AP1S3: variants seen among roughly 807,000 people sequenced by gnomAD.
AP1S3 encodes AP-1 complex subunit sigma-3.
Under a neutral mutation model 20.9 loss-of-function variants are expected in AP1S3, and 10 were observed. The observed-to-expected ratio is 0.48, with a 90% CI of 0.29 to 0.81. The LOEUF is 0.81. Among genes scored for constraint, AP1S3 ranks in the 30% least tolerant of loss-of-function variants. The pLI is 0.08. For missense variants in AP1S3, 154 were observed against 183.8 expected, an observed-to-expected ratio of 0.84 and a Z score of 0.94; for synonymous variants, 41 against 61.5, an observed-to-expected ratio of 0.67 and a Z score of 1.56.
chr2:223,757,022 GCT>G lies in AP1S3; in HGVS notation c.*1691_*1692del, dbSNP rs1690239229. 1.0e-6 allele frequency: 1 copy of G among 966,810 alleles called. No individual in the cohort carries two copies. Among genetic ancestry groups the G allele is most frequent in the East Asian group, 1.2e-4 (1 of 8,374 alleles). The allele number at this position is 966,810 out of a possible 1,614,324, so 59.9% of individuals were successfully genotyped here. A position where few individuals can be genotyped will look rare whatever the true frequency, so the allele number is the denominator to read the frequency against. On this transcript the variant is annotated 3_prime_UTR_variant, in exon 5 of 5. Coordinates refer to ENST00000396654, the MANE Select transcript of AP1S3 (RefSeq NM_001039569.2). ...TTTTTTTTTCTTGAGACGCAGTCTT[GCT>G]CTGTCACCCGCCTGGAGTGCACTGG...
rs536520102 is a variant in AP1S3, at chr2:223,786,960, C to T, written c.4-9091G>A. 1.4e-4 allele frequency among the ~76,000 whole-genome samples: 22 copies of T among 152,214 alleles called. No homozygotes were observed. The South Asian group carries it at 4.4e-3, about 30-fold the overall frequency. On this transcript the variant is annotated intron_variant, in intron 1 of 4. Transcript: ENST00000396654. ...TTTGGATCTGTGTCCCCACTAAACT[C>T]GTGTCAAATTGTAATCCCCAGTGTT...
chr2:223,767,062 G>T (rs1310121121), intron 3 of AP1S3, among the ~76,000 whole-genome samples: 6 of 151,780 alleles, frequency 4.0e-5, no homozygotes, highest in African/African-American at 1.5e-4. Flanking sequence ...TGGGGGGTGG[G>T]GGGCAAAATA....
chr2:223,785,948 CA>C (rs1235438398), intron 1 of AP1S3, among the ~76,000 whole-genome samples: 1 of 152,102 alleles, frequency 6.6e-6, no homozygotes, highest in African/African-American at 2.4e-5. Flanking sequence ...AATTACAAAA[CA>C]AAAAATAAAT....
intron 1 of AP1S3, among the ~76,000 whole-genome samples, chr2:223,782,125 C>T (rs1690964536): frequency 6.6e-6 from 1 of 151,776 alleles, no homozygotes; most frequent in Non-Finnish European, 1.5e-5. Flanking sequence ...GATTCTCCTG[C>T]CTCAGCCCCC....
At chr2:223,764,942 G>T in intron 4 of AP1S3, 1 of 460,178 alleles carries the variant, frequency 2.2e-6, no homozygotes, top group Admixed American at 4.0e-5. Flanking sequence ...CTTCCTAGTG[G>T]AATAGAGGAA....
intron 1 of AP1S3, among the ~76,000 whole-genome samples, chr2:223,835,580 G>A (rs543958914): frequency 6.6e-6 from 1 of 152,224 alleles, no homozygotes; most frequent in African/African-American, 2.4e-5. Context: ...GCTTGAACTC[G>A]GGAGATGGAG....
chr2:223,769,989 C>A (rs1297156078), intron 3 of AP1S3, among the ~76,000 whole-genome samples: 7 of 152,006 alleles, frequency 4.6e-5, no homozygotes, highest in Non-Finnish European at 8.8e-5. Flanking sequence ...CGTGATCCAC[C>A]CGCCTCGGCC....
At chr2:223,777,933 C>T in intron 1 of AP1S3, 64 bp from the exon 2 acceptor site, 1 of 1,403,520 alleles carries the variant, frequency 7.1e-7, no homozygotes, top group Non-Finnish European at 9.7e-7. Context: ...TCTGCAAAGA[C>T]ACTGAAATTC....
At chr2:223,825,225 A>G (rs1025171699) in intron 1 of AP1S3, among the ~76,000 whole-genome samples, 5 of 151,832 alleles carry the variant, frequency 3.3e-5, no homozygotes, top group Non-Finnish European at 7.4e-5. Flanking sequence ...AGATAGGAGA[A>G]TGGCGTGAAC....
At chr2:223,778,820 C>CCAAGTAG (rs1690854618) in intron 1 of AP1S3, among the ~76,000 whole-genome samples, 1 of 151,926 alleles carries the variant, frequency 6.6e-6, no homozygotes, top group Non-Finnish European at 1.5e-5. Flanking sequence ...CTTCAGCCTC[C>CCAAGTAG]CAAGTAGCTG....
intron 4 of AP1S3, among the ~76,000 whole-genome samples, chr2:223,762,787 T>A (rs1690391597): frequency 6.6e-6 from 1 of 152,194 alleles, no homozygotes; most frequent in Non-Finnish European, 1.5e-5. Flanking sequence ...AAAGTTATTA[T>A]TCTAAGAAAC....
intron 3 of AP1S3, among the ~76,000 whole-genome samples, chr2:223,770,497 T>TAC (rs58486635): frequency 0.048 from 6,872 of 141,710 alleles, 208 homozygotes; most frequent in East Asian, 0.16. Flanking sequence ...AGAGAGACAA[T>TAC]ACACACACAC....
intron 1 of AP1S3, among the ~76,000 whole-genome samples, chr2:223,819,946 T>C (rs1383879201): frequency 6.6e-6 from 1 of 151,676 alleles, no homozygotes; most frequent in Non-Finnish European, 1.5e-5. Context: ...AAAAAAATCT[T>C]AATGTAACAC....
At chr2:223,803,173 T>C (rs1691505179) in intron 1 of AP1S3, among the ~76,000 whole-genome samples, 1 of 152,214 alleles carries the variant, frequency 6.6e-6, no homozygotes, top group South Asian at 2.1e-4. Flanking sequence ...TACTTCTACT[T>C]CATGAAGGCA....
intron 1 of AP1S3, among the ~76,000 whole-genome samples, chr2:223,824,344 A>G (rs910678685): frequency 1.3e-5 from 2 of 152,086 alleles, no homozygotes; most frequent in Non-Finnish European, 2.9e-5. Flanking sequence ...TCCAAAAATG[A>G]TACATGAGAT....
At chr2:223,765,959 C>G (rs1006213) in intron 3 of AP1S3, among the ~76,000 whole-genome samples, 100,889 of 152,060 alleles carry the variant, frequency 0.66, 34,519 homozygotes, top group East Asian at 0.82. Flanking sequence ...CGCCGGACTG[C>G]GGGATTTCAC....
At chr2:223,788,441 T>A (rs536248475) in intron 1 of AP1S3, among the ~76,000 whole-genome samples, 100 of 150,976 alleles carry the variant, frequency 6.6e-4, no homozygotes, top group African/African-American at 2.3e-3. Context: ...GGTGACACCC[T>A]GACTCTACTA....
At chr2:223,761,654 T>C (rs916612244) in intron 4 of AP1S3, among the ~76,000 whole-genome samples, 1 of 152,160 alleles carries the variant, frequency 6.6e-6, no homozygotes, top group African/African-American at 2.4e-5. Context: ...TCAAAACTCC[T>C]GGGCTCAAGC....
chr2:223,758,758 C>G lies in AP1S3; in HGVS notation c.430-8G>C, dbSNP rs184644015. ...CATGTATTCTTCCATTGTCTGAAAGCGAACAATAAATTAGAACAATTTTCC... is the reference window on the plus strand; with the variant it reads ...CATGTATTCTTCCATTGTCTGAAAGGGAACAATAAATTAGAACAATTTTCC... On this transcript the variant is annotated splice_region_variant and splice_polypyrimidine_tract_variant and intron_variant, in intron 4 of 4. Transcript: ENST00000396654. 2.5e-6 allele frequency: 4 copies of G among 1,606,454 alleles called. No individual in the cohort carries two copies. In the Admixed American group the frequency reaches 6.8e-5, roughly 27 times the overall value.
Sources: allele counts gnomAD v4.1 joint callset (sites outside exome capture counted in the v4.1 genomes callset), GRCh38; gene constraint gnomAD v4.1.1; transcripts MANE v1.5; gene names NCBI Gene and HGNC (gene_info 2026-07-23, HGNC 2026-07-21).